Variants in MEF2C observed in about 807,000 individuals in gnomAD.
MEF2C encodes the protein myocyte-specific enhancer factor 2C.
A neutral mutation model predicts 50.5 loss-of-function variants in MEF2C; 6 were observed. That is an observed-to-expected ratio of 0.12 (90% CI 0.07 to 0.23). The LOEUF is 0.23. Among genes scored for constraint, MEF2C ranks in the 10% least tolerant of loss-of-function variants. The pLI, the probability that MEF2C is intolerant of heterozygous loss-of-function variation, is 1.00. For missense variants in MEF2C, 276 were observed against 605.0 expected (o/e 0.46, Z 5.70); for synonymous variants, 183 against 228.0 (o/e 0.80, Z 1.78).
At chr5:88,745,997 G>T (rs550837937) in intron 6 of MEF2C, among the ~76,000 whole-genome samples, 1 of 152,338 alleles carries the variant, frequency 6.6e-6, no homozygotes, top group African/African-American at 2.4e-5. Flanking sequence ...GAGCAGTTTA[G>T]ATGTCTACTG....
Position 88,719,965 on chromosome 5 carries a change from C to G in MEF2C, c.*2639G>C, listed in dbSNP as rs886060860. 3 of 152,134 alleles carry G rather than the reference C, an allele frequency of 2.0e-5. No individual in the cohort carries two copies. Among genetic ancestry groups the G allele is most frequent in the Non-Finnish European group, 4.4e-5 (3 of 67,996 alleles). 9.4% of individuals were successfully genotyped at this position (152,134 alleles called of 1,614,324 possible). On this transcript the variant is annotated 3_prime_UTR_variant, in exon 11 of 11. Transcript: ENST00000504921. ...CTTTATCTTCAGCATTAAAAATTCA[C>G]TTTTTCTTTGTTGCTGAGGCAAATT... is the stretch of plus-strand genomic sequence containing the variant.
chr5:88,738,868 C>T (rs1437727065), intron 6 of MEF2C: 7 of 985,186 alleles, frequency 7.1e-6, no homozygotes, highest in Non-Finnish European at 8.4e-6. Flanking sequence ...TATTTCTGGT[C>T]TCTTTCTGGA....
At chr5:88,850,701 T>A (rs1820999795) in intron 1 of MEF2C, among the ~76,000 whole-genome samples, 1 of 151,582 alleles carries the variant, frequency 6.6e-6, no homozygotes, top group African/African-American at 2.4e-5. Context: ...CACACACATA[T>A]ACACATACAC....
At chr5:88,873,454 A>T (rs1239455932) in intron 1 of MEF2C, among the ~76,000 whole-genome samples, 1 of 152,046 alleles carries the variant, frequency 6.6e-6, no homozygotes, top group Non-Finnish European at 1.5e-5. Flanking sequence ...GGAAGCTCAG[A>T]CAGGAGAGAA....
chr5:88,893,994 A>G (rs1834861095), intron 1 of MEF2C, among the ~76,000 whole-genome samples: 1 of 152,210 alleles, frequency 6.6e-6, no homozygotes, highest in East Asian at 1.9e-4. Context: ...GTTCTTAGTC[A>G]TAATACAATG....
chr5:88,882,650 A>G (rs1204668559), intron 1 of MEF2C, among the ~76,000 whole-genome samples: 1 of 152,218 alleles, frequency 6.6e-6, no homozygotes, highest in East Asian at 1.9e-4. Flanking sequence ...ACGCTCCACC[A>G]TATCAAACAT....
intron 1 of MEF2C, among the ~76,000 whole-genome samples, chr5:88,832,742 T>C (rs1813561244): frequency 6.6e-6 from 1 of 152,172 alleles, no homozygotes; most frequent in Admixed American, 6.6e-5. Flanking sequence ...TTAATCCCAC[T>C]ATGACTGGTG....
chr5:88,769,506 C>T (rs1051872026), intron 3 of MEF2C, among the ~76,000 whole-genome samples: 4 of 152,112 alleles, frequency 2.6e-5, no homozygotes, highest in East Asian at 1.9e-4. Context: ...GTCTGGCACA[C>T]GTTAGCTGTA....
intron 4 of MEF2C, among the ~76,000 whole-genome samples, chr5:88,756,148 TATA>T (rs1347981264): frequency 6.6e-6 from 1 of 152,226 alleles, no homozygotes; most frequent in Non-Finnish European, 1.5e-5. Context: ...AAGAACTACC[TATA>T]ATAATTTTTT....
intron 3 of MEF2C, among the ~76,000 whole-genome samples, chr5:88,783,022 G>A (rs1788923011): frequency 6.6e-6 from 1 of 151,968 alleles, no homozygotes; most frequent in African/African-American, 2.4e-5. Flanking sequence ...TGCATACTTG[G>A]TTTTTTGAAA....
At position 88,742,208 on chromosome 5, in the gene MEF2C, T is replaced by C; in HGVS notation, c.637+6862A>G. 3.0e-6 allele frequency: 3 copies of C among 985,400 alleles called. No homozygotes were observed. In the South Asian group the frequency reaches 1.4e-4, roughly 46 times the overall value. 61.0% of individuals were successfully genotyped at this position (985,400 alleles called of 1,614,324 possible). On this transcript the variant is annotated intron_variant, in intron 6 of 10. Transcript: ENST00000504921. The stretch of plus-strand genomic sequence containing the variant: ...CCCTTCAGCATCTGCTCTCTACTGA[T>C]GCACAATGTCACATCACTGATGATT...
chr5:88,847,714 T>C (rs1409340454), intron 1 of MEF2C, among the ~76,000 whole-genome samples: 1 of 151,590 alleles, frequency 6.6e-6, no homozygotes, highest in Non-Finnish European at 1.5e-5. Flanking sequence ...AAACACATGT[T>C]AAAAAAAAGG....
intron 4 of MEF2C, among the ~76,000 whole-genome samples, chr5:88,759,533 T>C (rs1776925999): frequency 6.6e-6 from 1 of 152,204 alleles, no homozygotes; most frequent in African/African-American, 2.4e-5. Flanking sequence ...ATGAGCCGCT[T>C]CTTTTTTTCT....
intron 1 of MEF2C, among the ~76,000 whole-genome samples, chr5:88,867,153 A>G (rs1827669361): frequency 6.6e-6 from 1 of 152,234 alleles, no homozygotes; most frequent in South Asian, 2.1e-4. Flanking sequence ...GTGGAAGTAT[A>G]TATCACAGGC....
intron 1 of MEF2C, among the ~76,000 whole-genome samples, chr5:88,849,379 T>C (rs1034406123): frequency 6.6e-6 from 1 of 152,134 alleles, no homozygotes; most frequent in African/African-American, 2.4e-5. Flanking sequence ...CTGCAAAGAT[T>C]GCAAAACTTA....
rs1020901955 is a variant in MEF2C, at chr5:88,866,667, TTTC to T, written c.-143+16285_-143+16287del. 3.9e-5 allele frequency among the ~76,000 whole-genome samples: 6 copies of T among 152,210 alleles called. No homozygotes were observed. In the East Asian group the frequency reaches 9.6e-4, roughly 24 times the overall value. ...CTTGATGAATAAACTTGATATAATA[TTTC>T]TTATTTTCAAATATAATATGACCTT... On this transcript the variant is annotated intron_variant, in intron 1 of 10. Coordinates refer to ENST00000504921, the MANE Select transcript of MEF2C (RefSeq NM_002397.5).
chr5:88,740,126 C>T, intron 6 of MEF2C: 2 of 985,300 alleles, frequency 2.0e-6, no homozygotes, highest in Non-Finnish European at 2.4e-6. Context: ...AGAGCTGTCT[C>T]TTCTCTTTGA....
intron 1 of MEF2C, among the ~76,000 whole-genome samples, chr5:88,899,867 T>A (rs981581423): frequency 6.6e-6 from 1 of 152,182 alleles, no homozygotes; most frequent in African/African-American, 2.4e-5. Flanking sequence ...AGATATACAA[T>A]TTAGTTGCTA....
upstream of MEF2C, among the ~76,000 whole-genome samples, chr5:88,885,231 T>C (rs893126597): frequency 1.3e-5 from 2 of 152,146 alleles, no homozygotes; most frequent in Admixed American, 6.5e-5. Flanking sequence ...CCTGCTTCAA[T>C]GTAGGAGGTA....
Sources: allele counts gnomAD v4.1 joint callset (sites outside exome capture counted in the v4.1 genomes callset), GRCh38; gene constraint gnomAD v4.1.1; transcripts MANE v1.5; gene names NCBI Gene and HGNC (gene_info 2026-07-23, HGNC 2026-07-21).